Variants in NFASC observed in about 807,000 individuals in gnomAD.
The protein encoded by NFASC is neurofascin homolog.
NFASC carries 43 observed loss-of-function variants against 147.5 expected under a neutral mutation model. The ratio of observed to expected loss-of-function variants is 0.29; its 90% CI spans 0.23 to 0.38. NFASC has a LOEUF of 0.38. Ranked by LOEUF, NFASC falls within the 10% of genes least tolerant of loss-of-function variation. The pLI is 1.00. For synonymous variants in NFASC, 622 were observed against 665.5 expected (o/e 0.93, Z 1.01); for missense variants, 1,320 against 1,689.0 (o/e 0.78, Z 3.83).
chr1:204,852,025 G>A (rs1049177151), intron 1 of NFASC, among the ~76,000 whole-genome samples: 9 of 152,194 alleles, frequency 5.9e-5, no homozygotes, highest in African/African-American at 1.9e-4. Flanking sequence ...CATGCCCTAG[G>A]ATTGTTGTTA....
chr1:204,917,540 C>T (rs1221957952), intron 1 of NFASC, among the ~76,000 whole-genome samples: 2 of 152,146 alleles, frequency 1.3e-5, no homozygotes, highest in East Asian at 1.9e-4. Flanking sequence ...CCCTGACATC[C>T]TTCAGATGTG....
chr1:204,899,105 G>A (rs1175059854), intron 1 of NFASC, among the ~76,000 whole-genome samples: 1 of 152,150 alleles, frequency 6.6e-6, no homozygotes, highest in African/African-American at 2.4e-5. Context: ...GAGGAAGAGA[G>A]CATAGATAAA....
intron 7 of NFASC, among the ~76,000 whole-genome samples, chr1:204,956,907 G>GA (rs35185826): frequency 0.076 from 11,062 of 146,168 alleles, 480 homozygotes; most frequent in East Asian, 0.19. Context: ...TATAGCACTT[G>GA]AAAAAAAAAA....
intron 1 of NFASC, among the ~76,000 whole-genome samples, chr1:204,898,988 C>T (rs947937457): frequency 4.6e-5 from 7 of 152,172 alleles, no homozygotes; most frequent in African/African-American, 1.4e-4. Context: ...AGAGACACAG[C>T]CCCTGCCTTC....
intron 1 of NFASC, among the ~76,000 whole-genome samples, chr1:204,897,741 T>G (rs1333015402): frequency 6.6e-6 from 1 of 150,554 alleles, no homozygotes; most frequent in Non-Finnish European, 1.5e-5. Flanking sequence ...GCTCAGCTAA[T>G]TTTTTTTTGG....
At chr1:205,009,882 G>A in intron 28 of NFASC, 194 bp downstream of exon 28, 1 of 645,328 alleles carries the variant, frequency 1.5e-6, no homozygotes, top group Middle Eastern at 4.3e-4. Flanking sequence ...GTTCGCCTGA[G>A]TTGGGCGGAT....
chr1:204,860,612 C>T lies in NFASC; in HGVS notation c.-200+31830C>T, dbSNP rs554939551. Among the ~76,000 whole-genome samples the T allele has an allele frequency of 1.6e-3, 238 of 152,254 alleles. 1 individual carries two copies. Among genetic ancestry groups the T allele is most frequent in the African/African-American group, 5.2e-3 (218 of 41,532 alleles). Reference sequence around the variant, plus strand: ...TAACATAAAATTGGTTAAAATTTACCGTTTTAAAGTATGCAATTCAGTGGC... The same window carrying T: ...TAACATAAAATTGGTTAAAATTTACTGTTTTAAAGTATGCAATTCAGTGGC... On this transcript the variant is annotated intron_variant, in intron 1 of 29. Coordinates refer to ENST00000339876, the MANE Select transcript of NFASC (RefSeq NM_001005388.3).
intron 1 of NFASC, among the ~76,000 whole-genome samples, chr1:204,864,839 C>T (rs896625980): frequency 6.6e-6 from 1 of 152,168 alleles, no homozygotes; most frequent in African/African-American, 2.4e-5. Context: ...AACCCTCAGC[C>T]TACCCTAGAG....
At chr1:204,999,020 G>C (rs1246725757) in intron 25 of NFASC, 2 of 152,190 alleles carry the variant, frequency 1.3e-5, no homozygotes, top group African/African-American at 4.8e-5. Flanking sequence ...AAAAATGAAT[G>C]TTCACCTTTA....
intron 25 of NFASC, chr1:204,997,633 T>G: frequency 1.6e-6 from 1 of 609,780 alleles, no homozygotes; most frequent in East Asian, 2.8e-5. Context: ...ACTCCTTGGG[T>G]GGTCCTCCAC....
chr1:205,012,241 G>C (rs993367811), intron 28 of NFASC, among the ~76,000 whole-genome samples: 1 of 152,182 alleles, frequency 6.6e-6, no homozygotes, highest in Non-Finnish European at 1.5e-5. Flanking sequence ...GGAAGTGGAG[G>C]AAAGGGGGCA....
At chr1:204,892,541 C>T (rs1396550836) in intron 1 of NFASC, among the ~76,000 whole-genome samples, 4 of 152,190 alleles carry the variant, frequency 2.6e-5, no homozygotes, top group East Asian at 1.9e-4. Flanking sequence ...TGGTCTAGGG[C>T]TGTGCTGTCC....
intron 25 of NFASC, chr1:204,999,527 G>A (rs2095925069): frequency 6.6e-6 from 1 of 152,178 alleles, no homozygotes; most frequent in South Asian, 2.1e-4. Flanking sequence ...ACCAGCAAGA[G>A]CCATGAAATT....
chr1:204,862,249 C>T (rs888077054), intron 1 of NFASC, among the ~76,000 whole-genome samples: 6 of 152,206 alleles, frequency 3.9e-5, no homozygotes, highest in Non-Finnish European at 8.8e-5. Context: ...TTACCATCTA[C>T]CCTCATAGGA....
chr1:204,934,137 C>CA (rs10633193), intron 2 of NFASC, among the ~76,000 whole-genome samples: 12,418 of 113,426 alleles, frequency 0.11, 916 homozygotes, highest in East Asian at 0.26. Flanking sequence ...GACTCCATTT[C>CA]AAAAAAAAAA....
rs767296212 is a variant in NFASC at position 204,954,282 on chromosome 1, C to T, written c.310C>T (p.Arg104Cys). Residue 104 changes from arginine to cysteine, a missense_variant, in exon 6 of 30, where the codon CGC becomes TGC. This residue lies in a region of NFASC where 981 missense variants were observed against 1,289.5 expected (regional missense o/e 0.76). Coordinates refer to ENST00000339876, the MANE Select transcript of NFASC (RefSeq NM_001005388.3). The surrounding 1 kb of genome is among the most constrained non-coding windows in gnomAD (Gnocchi z 5.7). ...GTCTGGGACCCTGGTGATTGACTTC[C>T]GCAGTGGCGGGCGGCCGGAGGAATA... ...RRSGTLVIDF[R>C]SGGRPEEYEG... The T allele has an allele frequency of 6.2e-6, 10 of 1,614,094 alleles. No individual in the cohort carries two copies. The highest frequency in any genetic ancestry group is 1.3e-5 in the African/African-American group (1 of 74,930).
At chr1:204,848,050 A>G (rs987570462) in intron 1 of NFASC, among the ~76,000 whole-genome samples, 5 of 152,148 alleles carry the variant, frequency 3.3e-5, no homozygotes, top group African/African-American at 1.2e-4. Context: ...GGAAACAGTG[A>G]TAATTCCCCC....
At chr1:205,006,623 T>C (rs552239539) in intron 27 of NFASC, among the ~76,000 whole-genome samples, 3 of 152,194 alleles carry the variant, frequency 2.0e-5, no homozygotes, top group African/African-American at 7.2e-5. Context: ...ATTGGAAGCC[T>C]CCTAGGAAGG....
chr1:204,839,490 G>C (rs888327857), intron 1 of NFASC, among the ~76,000 whole-genome samples: 16 of 152,180 alleles, frequency 1.1e-4, no homozygotes, highest in African/African-American at 3.4e-4. Flanking sequence ...GTGCTGGAGG[G>C]GCCAGATTAC....
Sources: gnomAD v4.1 joint callset for allele counts (sites outside exome capture counted in the v4.1 genomes callset) on GRCh38, gnomAD v4.1.1 for gene constraint, gnomAD v4.1.1 regional missense constraint, Gnocchi (gnomAD v3.1) non-coding constraint, MANE v1.5 for transcripts, NCBI Gene and HGNC (gene_info 2026-07-23, HGNC 2026-07-21) for gene names.